Variants in TADA1 observed in about 807,000 individuals in gnomAD.
The protein encoded by TADA1 is transcriptional adaptor 1.
In TADA1, 23 loss-of-function variants were observed where a neutral mutation model predicts 39.3. The observed-to-expected ratio is 0.58, with a 90% CI of 0.42 to 0.83. TADA1 has a LOEUF of 0.83. Ranked by LOEUF, TADA1 falls within the 40% of genes least tolerant of loss-of-function variation. TADA1 has a pLI of 0.00. For synonymous variants in TADA1, 137 were observed against 151.8 expected (o/e 0.90, Z 0.72); for missense variants, 352 against 408.1 (o/e 0.86, Z 1.18).
intron 3 of TADA1, among the ~76,000 whole-genome samples, chr1:166,867,160 T>C (rs886355185): frequency 2.6e-5 from 4 of 152,226 alleles, no homozygotes; most frequent in Admixed American, 2.6e-4. Flanking sequence ...CAAGTAACTA[T>C]ATTATGTAAG....
intron 1 of TADA1, among the ~76,000 whole-genome samples, chr1:166,874,691 G>A (rs1448627990): frequency 6.6e-6 from 1 of 152,080 alleles, no homozygotes; most frequent in Non-Finnish European, 1.5e-5. Context: ...AGCAGGGGAG[G>A]ATCTCTTGAG....
In TADA1 at chr1:166,862,111, T is replaced by C. The variant is rs1389986966; in HGVS notation, c.540+92A>G. The C allele has an allele frequency of 3.3e-6, 4 of 1,219,016 alleles. 1 individual carries two copies. The South Asian group carries it at 3.9e-5, about 12-fold the overall frequency. 75.5% of individuals were successfully genotyped at this position (1,219,016 alleles called of 1,614,324 possible). On this transcript the variant is annotated intron_variant, in intron 5 of 7. Transcript: ENST00000367874. ...ACAATTCTGTGAAATCAGAGTGACA[T>C]TTGGATTCTTTTCTTGCAATACCGA...
chr1:166,872,176 T>G (rs1369256239), intron 1 of TADA1, among the ~76,000 whole-genome samples: 1 of 152,228 alleles, frequency 6.6e-6, no homozygotes, highest in Non-Finnish European at 1.5e-5. Flanking sequence ...ATGATGACAT[T>G]TAATCCTCAA....
chr1:166,866,917 G>A (rs1170651994), intron 3 of TADA1, among the ~76,000 whole-genome samples: 1 of 151,810 alleles, frequency 6.6e-6, no homozygotes, highest in African/African-American at 2.4e-5. Context: ...GCTAATTTTT[G>A]TACTTTTAGT....
intron 3 of TADA1, chr1:166,869,200 G>A: frequency 2.2e-6 from 1 of 457,064 alleles, no homozygotes; most frequent in Non-Finnish European, 4.1e-6. Context: ...GGTTCCACTG[G>A]AAAGAATTAA....
At chr1:166,864,510 G>A (rs1658486605) in intron 3 of TADA1, among the ~76,000 whole-genome samples, 1 of 152,196 alleles carries the variant, frequency 6.6e-6, no homozygotes, top group South Asian at 2.1e-4. Flanking sequence ...TGGATTGGGA[G>A]AATGTGAGTG....
At position 166,858,164 on chromosome 1, in the gene TADA1, T is replaced by C. The variant is rs1226552474; in HGVS notation, c.810A>G (p.Ala270=). ...CGTACATGTTCACCGGAGGCAAAGA[T>C]GCAGGTAGAGTGTCTCCGGAGCATG... The part of the protein sequence containing the change: ...LLACSGDTLP[A]SLPPVNMYDL... The change falls in exon 7 of 8, where the codon GCA becomes GCG. Residue 270 remains alanine (A), a synonymous_variant. Coordinates refer to ENST00000367874, the MANE Select transcript of TADA1 (RefSeq NM_053053.4). The C allele has an allele frequency of 3.7e-6, 6 of 1,614,048 alleles. No individual in the cohort carries two copies. In the Admixed American group the frequency reaches 1.0e-4, roughly 27 times the overall value.
intron 1 of TADA1, among the ~76,000 whole-genome samples, chr1:166,871,016 A>C (rs887124188): frequency 6.6e-6 from 1 of 152,136 alleles, no homozygotes; most frequent in African/African-American, 2.4e-5. Flanking sequence ...GTAGTCATTT[A>C]TATTTGTTTT....
intron 7 of TADA1, 89 bp downstream of exon 7, chr1:166,858,030 T>A (rs1658320370): frequency 6.7e-7 from 1 of 1,492,882 alleles, no homozygotes; most frequent in Non-Finnish European, 9.1e-7. Context: ...AGCCAAGAAG[T>A]GGAAAAAACC....
rs371580710 is a variant in TADA1 at position 166,857,066 on chromosome 1, G to C, written c.*501C>G. On this transcript the variant is annotated 3_prime_UTR_variant, in exon 8 of 8. Transcript: ENST00000367874. ...GGGCTACCTATCGCTATTAAAATTT[G>C]AACTGGTCACTAAAGGAGGTATCTG... The C allele has an allele frequency of 1.3e-5, 2 of 153,026 alleles. No homozygotes were observed. The highest frequency in any genetic ancestry group is 4.1e-4 in the South Asian group (2 of 4,854). 9.5% of individuals were successfully genotyped at this position (153,026 alleles called of 1,614,324 possible).
chr1:166,869,835 G>C lies in TADA1; in HGVS notation c.94C>G (p.Leu32Val), dbSNP rs1221017336. 1 of 1,613,878 alleles carries C rather than the reference G, an allele frequency of 6.2e-7. No individual in the cohort carries two copies. ...TTGCTGATCTTCTGCTTGAACCACA[G>C]CTTTAGGTTAGCCCAGTATCTGCAG... The part of the protein sequence containing the change: ...NVKQYWANLK[L>V]WFKQKISKEE... Residue 32 changes from leucine to valine, a missense_variant, in exon 2 of 8, where the codon CTG (leucine) becomes GTG (valine). Leu to Val is a conservative substitution (Grantham distance 32). Around this residue, in one of 3 missense-constraint regions of TADA1, gnomAD observed 36 missense variants for 72.0 expected, o/e 0.50. Transcript: ENST00000367874.
chr1:166,859,342 A>G (rs1328607781), intron 6 of TADA1, among the ~76,000 whole-genome samples: 1 of 152,146 alleles, frequency 6.6e-6, no homozygotes, highest in Non-Finnish European at 1.5e-5. Flanking sequence ...CTGAACTTGC[A>G]AGTCCCAGTT....
chr1:166,874,515 G>C (rs1003547099), intron 1 of TADA1, among the ~76,000 whole-genome samples: 1 of 152,168 alleles, frequency 6.6e-6, no homozygotes, highest in African/African-American at 2.4e-5. Flanking sequence ...GTCGGGTGTG[G>C]TGGCTCATGC....
In TADA1 at chr1:166,873,812, G is replaced by A. The variant is rs368712050; in HGVS notation, c.74+2348C>T. Among the ~76,000 whole-genome samples, 5 of 152,048 alleles carry A rather than the reference G, an allele frequency of 3.3e-5. No homozygotes were observed. In the East Asian group the frequency reaches 5.8e-4, roughly 18 times the overall value. The stretch of plus-strand genomic sequence containing the variant: ...AGTATTTGACCAACATCAGACAGTC[G>A]GCTTTGGCCTTTAAAAACTAAATAA... On this transcript the variant is annotated intron_variant, in intron 1 of 7. Transcript: ENST00000367874.
chr1:166,867,010 G>A (rs777693629), intron 3 of TADA1, among the ~76,000 whole-genome samples: 3 of 152,208 alleles, frequency 2.0e-5, no homozygotes, highest in South Asian at 2.1e-4. Context: ...CTCCCAAAGC[G>A]CTGGGATTAC....
At position 166,858,223 on chromosome 1, in the gene TADA1, CAGGG is replaced by C; in HGVS notation, c.747_750del (p.Pro250MetfsTer25). The C allele has an allele frequency of 6.2e-7, 1 of 1,611,646 alleles. No homozygotes were observed. The highest frequency in any genetic ancestry group is 8.5e-7 in the Non-Finnish European group (1 of 1,179,168). On this transcript the variant is annotated frameshift_variant, in exon 7 of 8. Coordinates refer to ENST00000367874, the MANE Select transcript of TADA1 (RefSeq NM_053053.4). LOFTEE classifies it high-confidence loss of function. ...AGTGCAGCCTGCTGCTCAGCATCAT[CAGGG>C]GGTGGGTGAGAAGCTGGATTCTGAC...
chr1:166,863,740 A>C, intron 4 of TADA1, 84 bp downstream of exon 4: 2 of 1,235,552 alleles, frequency 1.6e-6, no homozygotes, highest in Non-Finnish European at 2.4e-6. Flanking sequence ...CCAGTATTTT[A>C]ATATTCATTT....
chr1:166,858,060 T>G (rs1287741858), intron 7 of TADA1, 59 bp downstream of exon 7: 4 of 1,592,634 alleles, frequency 2.5e-6, no homozygotes. Flanking sequence ...CTTTGTAGAC[T>G]TAAAGAATCT....
intron 4 of TADA1, 143 bp from the exon 5 acceptor site, chr1:166,862,555 C>A (rs1443243255): frequency 3.1e-6 from 2 of 640,452 alleles, no homozygotes; most frequent in African/African-American, 3.7e-5. Flanking sequence ...AGAGTTAATT[C>A]ATGCACAAAT....
Sources: gnomAD v4.1 joint callset for allele counts (sites outside exome capture counted in the v4.1 genomes callset) on GRCh38, gnomAD v4.1.1 for gene constraint, gnomAD v4.1.1 regional missense constraint, MANE v1.5 for transcripts, NCBI Gene and HGNC (gene_info 2026-07-23, HGNC 2026-07-21) for gene names.